The following TBC1D22B variants were observed in gnomAD, a reference collection of about 807,000 sequenced individuals.
The protein encoded by TBC1D22B is TBC1 domain family member 22B.
TBC1D22B carries 32 observed loss-of-function variants against 69.1 expected under a neutral mutation model. The observed-to-expected ratio is 0.46, with a 90% CI of 0.35 to 0.62. The LOEUF (loss-of-function observed/expected upper bound fraction) is 0.62. TBC1D22B is among the 20% of genes least tolerant of loss of function. The pLI is 0.00. For missense variants in TBC1D22B, 462 were observed against 630.9 expected (o/e 0.73, Z 2.87); for synonymous variants, 206 against 229.8 (o/e 0.90, Z 0.94).
chr6:37,275,493 T>C (rs1304868479), intron 2 of TBC1D22B, among the ~76,000 whole-genome samples: 1 of 152,002 alleles, frequency 6.6e-6, no homozygotes. Flanking sequence ...TTTTAGCTGC[T>C]TTTTTCAAGG....
chr6:37,303,899 G>A (rs142874979), intron 8 of TBC1D22B, among the ~76,000 whole-genome samples: 106 of 151,848 alleles, frequency 7.0e-4, no homozygotes, highest in African/African-American at 2.3e-3. Context: ...CTAGTTGTTT[G>A]TGTTTCCCTC....
intron 8 of TBC1D22B, among the ~76,000 whole-genome samples, chr6:37,299,924 G>T (rs169019): frequency 0.84 from 126,189 of 150,476 alleles, 53,159 homozygotes; most frequent in South Asian, 0.91. Flanking sequence ...CAGGAGAATC[G>T]CTTGAACCTG....
At chr6:37,278,192 A>T (rs1327600821) in intron 2 of TBC1D22B, among the ~76,000 whole-genome samples, 2 of 152,164 alleles carry the variant, frequency 1.3e-5, no homozygotes, top group South Asian at 2.1e-4. Context: ...TTAAATCCAG[A>T]GGCAGATCTT....
chr6:37,302,112 G>A (rs1395954143), intron 8 of TBC1D22B, among the ~76,000 whole-genome samples: 1 of 152,214 alleles, frequency 6.6e-6, no homozygotes, highest in Non-Finnish European at 1.5e-5. Flanking sequence ...CATGCTTTAT[G>A]TTATGTTTGT....
chr6:37,298,127 A>T (rs1767445483), intron 8 of TBC1D22B, among the ~76,000 whole-genome samples: 1 of 152,150 alleles, frequency 6.6e-6, no homozygotes, highest in South Asian at 2.1e-4. Context: ...GCAAACCACC[A>T]TGGCATGTGT....
chr6:37,282,502 C>T, intron 4 of TBC1D22B, 138 bp downstream of exon 4: 1 of 1,063,554 alleles, frequency 9.4e-7, no homozygotes, highest in South Asian at 1.7e-5. Context: ...CAGTGACATG[C>T]AGGTATTAAG....
rs12526639 is a variant in TBC1D22B at position 37,321,004 on chromosome 6, T to A, written c.1389+3798T>A. On this transcript the variant is annotated intron_variant, in intron 12 of 12. Coordinates refer to ENST00000373491, the MANE Select transcript of TBC1D22B (RefSeq NM_017772.4). Reference sequence around the variant, plus strand: ...ATATGTTAGGTTGAATCATATGCAGTTGTTTTTGTAGATTAAAATGGTTGA... The same window carrying A: ...ATATGTTAGGTTGAATCATATGCAGATGTTTTTGTAGATTAAAATGGTTGA... 3.6e-3 allele frequency among the ~76,000 whole-genome samples: 555 copies of A among 152,356 alleles called. 13 individuals are homozygous for A. The highest frequency in any genetic ancestry group is 0.032 in the Admixed American group (485 of 15,306).
At chr6:37,328,315 A>AATAG (rs374555686) in intron 12 of TBC1D22B, among the ~76,000 whole-genome samples, 3 of 147,938 alleles carry the variant, frequency 2.0e-5, no homozygotes, top group South Asian at 2.1e-4. Context: ...TAAATAAATA[A>AATAG]ATAGATAGAT....
intron 1 of TBC1D22B, 91 bp downstream of exon 1, chr6:37,258,064 G>A (rs1041861810): frequency 9.0e-6 from 13 of 1,441,686 alleles, no homozygotes; most frequent in Admixed American, 2.2e-5. Flanking sequence ...GCGCCACAGA[G>A]GCCAGAAGAC....
chr6:37,324,939 G>A (rs745640506), intron 12 of TBC1D22B, among the ~76,000 whole-genome samples: 3 of 152,130 alleles, frequency 2.0e-5, no homozygotes, highest in Admixed American at 6.5e-5. Flanking sequence ...AAACAAACTA[G>A]TACAAAGTAC....
intron 12 of TBC1D22B, among the ~76,000 whole-genome samples, chr6:37,328,097 TGAGGTCAG>T (rs11277445): frequency 0.25 from 37,270 of 151,616 alleles, 5,943 homozygotes; most frequent in African/African-American, 0.46. Flanking sequence ...GCGGATCACC[TGAGGTCAG>T]GAGTTCGAGA....
At chr6:37,299,688 G>A (rs1767503301) in intron 8 of TBC1D22B, among the ~76,000 whole-genome samples, 1 of 152,128 alleles carries the variant, frequency 6.6e-6, no homozygotes, top group South Asian at 2.1e-4. Flanking sequence ...ATCTTGCTTA[G>A]GAACTCTTTC....
rs1443454569 is a variant in TBC1D22B, at chr6:37,261,971, G to A, written c.56+3998G>A. Among the ~76,000 whole-genome samples, 25 of 147,770 alleles carry A rather than the reference G, an allele frequency of 1.7e-4. 1 individual carries two copies. The highest frequency in any genetic ancestry group is 4.1e-4 in the Admixed American group (6 of 14,724). ...TGTGTGTGTGTGTGTGTGTGTGTGT[G>A]TGTGTGTGTGTGTGTGTGTGTGTGT... is the stretch of plus-strand genomic sequence containing the variant. On this transcript the variant is annotated intron_variant, in intron 1 of 12. Transcript: ENST00000373491.
At chr6:37,295,601 A>G (rs1581603694) in intron 8 of TBC1D22B, 1 of 437,732 alleles carries the variant, frequency 2.3e-6, no homozygotes, top group South Asian at 1.9e-5. Context: ...AATAAGAGAA[A>G]CACAATTGCA....
In TBC1D22B at chr6:37,257,936, A is replaced by T. The variant is rs777287651; in HGVS notation, c.19A>T (p.Lys7Ter). 1 of 1,614,080 alleles carries T rather than the reference A, an allele frequency of 6.2e-7. No homozygotes were observed. The highest frequency in any genetic ancestry group is 1.1e-5 in the South Asian group (1 of 91,066). The change falls in exon 1 of 13, where the codon AAG becomes TAG. Residue 7 changes from lysine to a stop codon, truncating the protein, a stop_gained. Coordinates refer to ENST00000373491, the MANE Select transcript of TBC1D22B (RefSeq NM_017772.4). LOFTEE classifies it high-confidence loss of function. MAAENS[K>*]QFWKRSAKLP... ...CAGAGCAATGGCCGCTGAGAACAGC[A>T]AGCAGTTTTGGAAGAGGAGCGCTAA...
chr6:37,306,089 T>G (rs903893860), intron 8 of TBC1D22B, among the ~76,000 whole-genome samples: 3 of 152,200 alleles, frequency 2.0e-5, no homozygotes, highest in Non-Finnish European at 1.5e-5. Flanking sequence ...TCAGTGACAC[T>G]TGAAGACAGT....
intron 12 of TBC1D22B, 107 bp from the exon 13 acceptor site, chr6:37,330,937 A>G: frequency 1.7e-6 from 2 of 1,145,702 alleles, no homozygotes; most frequent in Non-Finnish European, 2.6e-6. Flanking sequence ...GAGATGTGTG[A>G]GCCAGGAGGA....
chr6:37,310,868 A>G (rs142853095), intron 8 of TBC1D22B, among the ~76,000 whole-genome samples: 1,805 of 152,308 alleles, frequency 0.012, 31 homozygotes, highest in Middle Eastern at 0.044. Context: ...TATTATAGAA[A>G]TTTTGAAAAG....
chr6:37,288,600 T>G (rs1363519652), intron 7 of TBC1D22B, among the ~76,000 whole-genome samples: 1 of 151,876 alleles, frequency 6.6e-6, no homozygotes, highest in Non-Finnish European at 1.5e-5. Context: ...CCAGGCATGG[T>G]GGTGTGTGCC....
Sources: gnomAD v4.1 joint callset for allele counts (sites outside exome capture counted in the v4.1 genomes callset) on GRCh38, gnomAD v4.1.1 for gene constraint, MANE v1.5 for transcripts, NCBI Gene and HGNC (gene_info 2026-07-23, HGNC 2026-07-21) for gene names.